The following PDCD6IP variants were observed in gnomAD, a reference collection of about 807,000 sequenced individuals.
PDCD6IP encodes the protein programmed cell death 6-interacting protein.
In PDCD6IP, 43 loss-of-function variants were observed where a neutral mutation model predicts 103.7. The observed-to-expected ratio is 0.41, with a 90% CI of 0.32 to 0.53. The LOEUF is 0.53. PDCD6IP is among the 20% of genes least tolerant of loss of function. The pLI is 0.16. For synonymous variants in PDCD6IP, 354 were observed against 378.7 expected (o/e 0.93, Z 0.76); for missense variants, 871 against 1,036.7 (o/e 0.84, Z 2.20).
At chr3:33,840,133 G>C (rs949031189) in intron 9 of PDCD6IP, among the ~76,000 whole-genome samples, 3 of 140,328 alleles carry the variant, frequency 2.1e-5, no homozygotes, top group Non-Finnish European at 4.7e-5. Context: ...CTGTTGACCA[G>C]AAGCCTTACC....
chr3:33,839,276 T>C (rs2125564674), intron 9 of PDCD6IP, among the ~76,000 whole-genome samples: 1 of 152,360 alleles, frequency 6.6e-6, no homozygotes, highest in Admixed American at 6.5e-5. Flanking sequence ...AGTTTTACTT[T>C]TTATACAATT....
intron 15 of PDCD6IP, among the ~76,000 whole-genome samples, chr3:33,858,263 G>A (rs1475105170): frequency 6.6e-6 from 1 of 152,158 alleles, no homozygotes; most frequent in Non-Finnish European, 1.5e-5. Context: ...GAAGGCTTGA[G>A]CAAGTTAAAA....
chr3:33,811,146 G>A (rs1181693183), intron 1 of PDCD6IP: 3 of 408,244 alleles, frequency 7.3e-6, no homozygotes, highest in South Asian at 3.6e-5. Context: ...CAGCCTCCCA[G>A]AGTGCTAGGA....
chr3:33,859,010 G>C (rs978133941), intron 15 of PDCD6IP, among the ~76,000 whole-genome samples: 1 of 151,928 alleles, frequency 6.6e-6, no homozygotes, highest in African/African-American at 2.4e-5. Context: ...GAGTAGTGAA[G>C]GAATACTAGT....
chr3:33,869,519 A>C lies in PDCD6IP; in HGVS notation c.*2994A>C, dbSNP rs1036453726. 6.6e-6 allele frequency: 1 copy of C among 152,206 alleles called. No individual in the cohort carries two copies. The highest frequency in any genetic ancestry group is 1.5e-5 in the Non-Finnish European group (1 of 68,020). The allele number at this position is 152,206 out of a possible 1,614,324, so 9.4% of individuals were successfully genotyped here. A position where few individuals can be genotyped will look rare whatever the true frequency, so the allele number is the denominator to read the frequency against. ...TATTCAGGCTTTATTTCTGGTATGA[A>C]GTTTATATTTTTTAAAAAAATCCTA... On this transcript the variant is annotated 3_prime_UTR_variant, in exon 18 of 18. Transcript: ENST00000307296.
intron 1 of PDCD6IP, among the ~76,000 whole-genome samples, chr3:33,805,823 C>T (rs912305631): frequency 6.6e-6 from 1 of 151,968 alleles, no homozygotes; most frequent in African/African-American, 2.4e-5. Flanking sequence ...TGGCTCACTG[C>T]AAGCTCCACC....
At chr3:33,851,699 C>T (rs1697718477) in intron 12 of PDCD6IP, among the ~76,000 whole-genome samples, 1 of 151,982 alleles carries the variant, frequency 6.6e-6, no homozygotes, top group Admixed American at 6.5e-5. Context: ...TCTCGAACTC[C>T]TAGGCTTAGG....
rs758723730 is a variant in PDCD6IP, at chr3:33,825,249, G to C, written c.525G>C (p.Pro175=). The C allele has an allele frequency of 3.7e-6, 6 of 1,613,402 alleles. No individual in the cohort carries two copies. The Admixed American group carries it at 5.0e-5, about 13-fold the overall frequency. ...ETVLSALSRE[P]TVDISPDTVG... is the part of the protein sequence containing the mutation. ...TTTTATCTGCCTTAAGTCGAGAGCC[G>C]ACCGTGGACATATCTCCAGATACTG... Residue 175 remains proline (P), a synonymous_variant, in exon 5 of 18, where the codon CCG becomes CCC. Transcript: ENST00000307296.
At position 33,865,373 on chromosome 3, in the gene PDCD6IP, C is replaced by T. The variant is rs771962015; in HGVS notation, c.2375C>T (p.Ser792Leu). ...AAPAPSQTPGSAPPPQAQGPP... is the reference protein window; with the variant it reads ...AAPAPSQTPGLAPPPQAQGPP... ...CCAGCTCCATCACAAACGCCTGGCT[C>T]AGCTCCTCCTCCACAGGCGCAGGGA... The change falls in exon 17 of 18, where the codon TCA becomes TTA. Residue 792 changes from serine (S) to leucine (L), a missense_variant. Physicochemically the swap from Ser to Leu is moderately radical, Grantham distance 145. Transcript: ENST00000307296. 6 of 1,601,086 alleles carry T rather than the reference C, an allele frequency of 3.7e-6. No homozygotes were observed. The highest frequency in any genetic ancestry group is 3.4e-6 in the Non-Finnish European group (4 of 1,174,382).
At chr3:33,823,088 G>T (rs1399883691) in intron 4 of PDCD6IP, among the ~76,000 whole-genome samples, 1 of 151,934 alleles carries the variant, frequency 6.6e-6, no homozygotes, top group Non-Finnish European at 1.5e-5. Context: ...GTGTTTTCAT[G>T]TACATTATTT....
At chr3:33,819,286 T>G (rs1696933411) in intron 3 of PDCD6IP, among the ~76,000 whole-genome samples, 1 of 152,156 alleles carries the variant, frequency 6.6e-6, no homozygotes, top group African/African-American at 2.4e-5. Flanking sequence ...TTTTAGGAGC[T>G]TTGTCTTATT....
intron 6 of PDCD6IP, 195 bp downstream of exon 6, chr3:33,826,775 C>G: frequency 7.5e-7 from 1 of 1,329,174 alleles, no homozygotes. Context: ...TTAGGGGATG[C>G]CTTTGTCTTT....
intron 1 of PDCD6IP, among the ~76,000 whole-genome samples, chr3:33,807,949 G>T (rs1696633983): frequency 6.6e-6 from 1 of 152,230 alleles, no homozygotes; most frequent in Non-Finnish European, 1.5e-5. Context: ...TGTTGCCTCA[G>T]ACCTTTAGCA....
At chr3:33,861,905 C>A (rs889617827) in intron 15 of PDCD6IP, among the ~76,000 whole-genome samples, 6 of 152,116 alleles carry the variant, frequency 3.9e-5, no homozygotes, top group African/African-American at 1.2e-4. Flanking sequence ...GCTTTACTTT[C>A]TTTTGACTAA....
intron 3 of PDCD6IP, 76 bp from the exon 4 acceptor site, chr3:33,821,879 T>C: frequency 7.2e-7 from 1 of 1,386,986 alleles, no homozygotes; most frequent in African/African-American, 1.4e-5. Flanking sequence ...AGAGAGGTCA[T>C]AGTATTTCTC....
intron 2 of PDCD6IP, among the ~76,000 whole-genome samples, chr3:33,812,843 T>G (rs1201808703): frequency 1.3e-5 from 2 of 152,178 alleles, no homozygotes; most frequent in African/African-American, 4.8e-5. Flanking sequence ...AAGCTGCTGA[T>G]GGATGTACTG....
At position 33,844,137 on chromosome 3, in the gene PDCD6IP, A is replaced by C. The variant is rs1359140311; in HGVS notation, c.1385A>C (p.Glu462Ala). Residue 462 changes from glutamate (E) to alanine (A), a missense_variant, in exon 11 of 18, where the codon GAA (glutamate) becomes GCA (alanine). Glu to Ala is a moderately radical substitution (Grantham distance 107). Around this residue, in one of 5 missense-constraint regions of PDCD6IP, gnomAD observed 266 missense variants for 390.5 expected, o/e 0.68. Coordinates refer to ENST00000307296, the MANE Select transcript of PDCD6IP (RefSeq NM_013374.6). ...TCATTAAGGTTGTTGGATGAAGAAG[A>C]AGCAACCGATAATGATTTAAGAGCA... ...DESLRLLDEEEATDNDLRAKF... is the reference protein window; with the variant it reads ...DESLRLLDEEAATDNDLRAKF... 22 of 1,607,298 alleles carry C rather than the reference A, an allele frequency of 1.4e-5. No homozygotes were observed. The highest frequency in any genetic ancestry group is 1.7e-5 in the Non-Finnish European group (20 of 1,178,040).
chr3:33,865,239 A>G lies in PDCD6IP; in HGVS notation c.2245-4A>G, dbSNP rs780500108. On this transcript the variant is annotated splice_polypyrimidine_tract_variant and splice_region_variant and intron_variant, in intron 16 of 17. Transcript: ENST00000307296. The stretch of plus-strand genomic sequence containing the variant: ...TTATAGTCAATGCTGACTTTTTCTT[A>G]TAGCCTACTAAGCCCCAGCCCCCAG... 4 of 1,516,858 alleles carry G rather than the reference A, an allele frequency of 2.6e-6. No homozygotes were observed. In the South Asian group the frequency reaches 5.3e-5, roughly 20 times the overall value. 94.0% of individuals were successfully genotyped at this position (1,516,858 alleles called of 1,614,324 possible). A position where few individuals can be genotyped will look rare whatever the true frequency, so the allele number is the denominator to read the frequency against.
In PDCD6IP at chr3:33,826,686, A is replaced by G. The variant is rs762330884; in HGVS notation, c.717+106A>G. On this transcript the variant is annotated intron_variant, in intron 6 of 17. Transcript: ENST00000307296. ...AACTTATAAAGAAATTTGAAGTTTT[A>G]ATAGAGTTATCTGAAGTATATAGTA... 9 of 1,503,702 alleles carry G rather than the reference A, an allele frequency of 6.0e-6. No homozygotes were observed. The Admixed American group carries it at 1.6e-4, about 27-fold the overall frequency. 93.1% of individuals were successfully genotyped at this position (1,503,702 alleles called of 1,614,324 possible).
Sources: allele counts gnomAD v4.1 joint callset (sites outside exome capture counted in the v4.1 genomes callset), GRCh38; gene constraint gnomAD v4.1.1; regional missense constraint gnomAD v4.1.1; transcripts MANE v1.5; gene names NCBI Gene and HGNC (gene_info 2026-07-23, HGNC 2026-07-21).